Variants in BRINP3 observed in about 807,000 individuals in gnomAD.
The protein encoded by BRINP3 is BMP/retinoic acid inducible neural specific 3, also known as BMP/retinoic acid-inducible neural-specific protein 3.
In BRINP3, 19 loss-of-function variants were observed where a neutral mutation model predicts 71.0. That is an observed-to-expected ratio of 0.27 (90% CI 0.19 to 0.39). The LOEUF (loss-of-function observed/expected upper bound fraction) is 0.39, where lower values mean the gene tolerates loss of function less well. Ranked by LOEUF, BRINP3 falls within the 10% of genes least tolerant of loss-of-function variation. BRINP3 has a pLI of 1.00. For synonymous variants in BRINP3, 380 were observed against 337.7 expected, an observed-to-expected ratio of 1.13 and a Z score of -1.37; for missense variants, 959 against 940.8, an observed-to-expected ratio of 1.02 and a Z score of -0.25.
chr1:190,345,185 A>T, intron 2 of BRINP3, among the ~76,000 whole-genome samples: 1 of 151,884 alleles, frequency 6.6e-6, no homozygotes, highest in South Asian at 2.1e-4. Context: ...AATGACCTCA[A>T]TAAGTCTACT....
chr1:190,374,344 T>C (rs913475978), intron 2 of BRINP3, among the ~76,000 whole-genome samples: 2 of 152,102 alleles, frequency 1.3e-5, no homozygotes, highest in Non-Finnish European at 2.9e-5. Flanking sequence ...CCAAAAATCA[T>C]ATAGATGACA....
At chr1:190,241,548 A>C (rs1659098679) in intron 4 of BRINP3, among the ~76,000 whole-genome samples, 1 of 152,096 alleles carries the variant, frequency 6.6e-6, no homozygotes, top group Admixed American at 6.6e-5. Flanking sequence ...AGTCAATTAC[A>C]ATGGTGTAGT....
At chr1:190,473,109 C>T (rs1232291064) in intron 1 of BRINP3, among the ~76,000 whole-genome samples, 2 of 151,576 alleles carry the variant, frequency 1.3e-5, no homozygotes, top group Admixed American at 6.6e-5. Context: ...AAAATAAATA[C>T]CTTCTCCCAC....
intron 6 of BRINP3, among the ~76,000 whole-genome samples, chr1:190,204,494 G>A (rs989980960): frequency 1.3e-5 from 2 of 151,792 alleles, no homozygotes; most frequent in African/African-American, 2.4e-5. Context: ...GGTTAAAGCC[G>A]ACATGAGTGG....
At chr1:190,401,280 C>T (rs934961926) in intron 2 of BRINP3, among the ~76,000 whole-genome samples, 1 of 151,120 alleles carries the variant, frequency 6.6e-6, no homozygotes, top group African/African-American at 2.4e-5. Context: ...ATCACTTGAA[C>T]CCAGGAGGTG....
At chr1:190,168,719 T>C (rs942936953) in intron 6 of BRINP3, among the ~76,000 whole-genome samples, 1 of 152,186 alleles carries the variant, frequency 6.6e-6, no homozygotes, top group African/African-American at 2.4e-5. Context: ...ATGCATGCAG[T>C]ACTTGAAAAT....
At chr1:190,456,894 A>G (rs1261378506) in intron 1 of BRINP3, among the ~76,000 whole-genome samples, 1 of 152,188 alleles carries the variant, frequency 6.6e-6, no homozygotes, top group African/African-American at 2.4e-5. Flanking sequence ...TCTTAATTGA[A>G]TAAAACTTCA....
chr1:190,098,123 G>A lies in BRINP3; in HGVS notation c.2196C>T (p.Leu732=). Reference sequence around the variant, plus strand: ...TCACCACCTCACTAGTAGACAGCTTGAGTCTATGACGAAGCAAGCAAGAGA... The same window carrying A: ...TCACCACCTCACTAGTAGACAGCTTAAGTCTATGACGAAGCAAGCAAGAGA... ...DLFSCLLRHR[L]KLSTSEVVRI... is the part of the protein sequence containing the mutation. The change falls in exon 8 of 8, where the codon CTC becomes CTT. Residue 732 remains leucine (L), a synonymous_variant. Coordinates refer to ENST00000367462, the MANE Select transcript of BRINP3 (RefSeq NM_199051.3). The A allele has an allele frequency of 6.2e-7, 1 of 1,614,164 alleles. No homozygotes were observed. Among genetic ancestry groups the A allele is most frequent in the Non-Finnish European group, 8.5e-7 (1 of 1,180,026 alleles).
intron 1 of BRINP3, among the ~76,000 whole-genome samples, chr1:190,464,500 C>T (rs934996455): frequency 6.6e-5 from 10 of 151,826 alleles, no homozygotes; most frequent in South Asian, 2.1e-4. Flanking sequence ...ATTATGTTTT[C>T]GTAATCCCTG....
intron 4 of BRINP3, among the ~76,000 whole-genome samples, chr1:190,234,699 C>G (rs937630816): frequency 1.3e-5 from 2 of 151,964 alleles, no homozygotes. Flanking sequence ...GCATAAATAT[C>G]CCAGGAAAAT....
At chr1:190,281,850 T>G in intron 2 of BRINP3, 100 bp from the exon 3 acceptor site, 15 of 1,030,888 alleles carry the variant, frequency 1.5e-5, no homozygotes, top group Non-Finnish European at 2.1e-5. Context: ...ACAATGTCTC[T>G]TGCTTGTAAT....
chr1:190,410,510 G>T (rs912358672), intron 2 of BRINP3, among the ~76,000 whole-genome samples: 1 of 152,048 alleles, frequency 6.6e-6, no homozygotes, highest in African/African-American at 2.4e-5. Flanking sequence ...GATGTCATCA[G>T]TGTATAGACA....
At chr1:190,339,592 T>G (rs1314833846) in intron 2 of BRINP3, among the ~76,000 whole-genome samples, 1 of 151,990 alleles carries the variant, frequency 6.6e-6, no homozygotes, top group East Asian at 1.9e-4. Flanking sequence ...TATGGACATA[T>G]TCCTTGGGCA....
intron 2 of BRINP3, among the ~76,000 whole-genome samples, chr1:190,343,737 G>A (rs543433434): frequency 6.6e-6 from 1 of 151,512 alleles, no homozygotes; most frequent in Non-Finnish European, 1.5e-5. Flanking sequence ...AACCGACTCT[G>A]TATGTACTTC....
At chr1:190,331,688 T>C (rs1359017635) in intron 2 of BRINP3, among the ~76,000 whole-genome samples, 1 of 152,028 alleles carries the variant, frequency 6.6e-6, no homozygotes, top group Non-Finnish European at 1.5e-5. Context: ...AATGGGATTA[T>C]ACATCAGAGC....
chr1:190,255,371 T>C (rs1660568936), intron 4 of BRINP3, among the ~76,000 whole-genome samples: 2 of 152,130 alleles, frequency 1.3e-5, no homozygotes, highest in South Asian at 4.1e-4. Flanking sequence ...CCAGCTCTTC[T>C]TTGTACCCCT....
intron 1 of BRINP3, among the ~76,000 whole-genome samples, chr1:190,459,462 A>G (rs1387047271): frequency 6.6e-6 from 1 of 151,916 alleles, no homozygotes; most frequent in Non-Finnish European, 1.5e-5. Context: ...TTACTATAAC[A>G]GTAAAAGTGA....
Position 190,434,840 on chromosome 1 carries a change from G to T in BRINP3, c.236+19815C>A, listed in dbSNP as rs189981181. Among the ~76,000 whole-genome samples the T allele has an allele frequency of 3.3e-5, 5 of 152,146 alleles. No individual in the cohort carries two copies. The East Asian group carries it at 9.7e-4, about 29-fold the overall frequency. The stretch of plus-strand genomic sequence containing the variant: ...TATGAACGTGTTAAATATTTGCAAA[G>T]TTTGTTCAATTTGATGGGCTTCCTT... On this transcript the variant is annotated intron_variant, in intron 2 of 7. Transcript: ENST00000367462.
At chr1:190,180,331 T>C (rs1387046737) in intron 6 of BRINP3, among the ~76,000 whole-genome samples, 1 of 152,148 alleles carries the variant, frequency 6.6e-6, no homozygotes, top group Non-Finnish European at 1.5e-5. Context: ...CTCCTTCAAA[T>C]GTGCACTTCT....
Sources: gnomAD v4.1 joint callset for allele counts (sites outside exome capture counted in the v4.1 genomes callset) on GRCh38, gnomAD v4.1.1 for gene constraint, MANE v1.5 for transcripts, NCBI Gene and HGNC (gene_info 2026-07-23, HGNC 2026-07-21) for gene names.